The following PAX8 variants were observed in gnomAD, a reference collection of about 807,000 sequenced individuals.
The protein encoded by PAX8 is paired box 8.
In PAX8, 15 loss-of-function variants were observed where a neutral mutation model predicts 52.4. The observed-to-expected ratio is 0.29, with a 90% CI of 0.19 to 0.44. The LOEUF (loss-of-function observed/expected upper bound fraction) is 0.44. Ranked by LOEUF, PAX8 falls within the 20% of genes least tolerant of loss-of-function variation. The pLI is 1.00. For synonymous variants in PAX8, 284 were observed against 249.7 expected (o/e 1.14, Z -1.29); for missense variants, 554 against 602.5 (o/e 0.92, Z 0.84).
At chr2:113,256,654 G>GTGTATA (rs1417323193) in intron 2 of PAX8, among the ~76,000 whole-genome samples, 1 of 67,292 alleles carries the variant, frequency 1.5e-5, no homozygotes, top group African/African-American at 7.8e-5. Flanking sequence ...GTGTGTGTGT[G>GTGTATA]TATATATATA....
Position 113,241,592 on chromosome 2 carries a change from G to C in PAX8, c.736C>G (p.Pro246Ala), listed in dbSNP as rs1261825602. 6.2e-7 allele frequency: 1 copy of C among 1,612,470 alleles called. No individual in the cohort carries two copies. Among genetic ancestry groups the C allele is most frequent in the Non-Finnish European group, 8.5e-7 (1 of 1,179,760 alleles). The change falls in exon 7 of 12, where the codon CCA becomes GCA. Residue 246 changes from proline to alanine, a missense_variant. Pro to Ala is a conservative substitution (Grantham distance 27, BLOSUM62 -1). This residue lies in a region of PAX8 where 445 missense variants were observed against 409.9 expected (regional missense o/e 1.09). Coordinates refer to ENST00000429538, the MANE Select transcript of PAX8 (RefSeq NM_003466.4). ...LECPFERQHY[P>A]EAYASPSHTK... ...TGGCTGGGGGAGGCATAGGCCTCTG[G>C]GTAGTGCTGCCGCTCAAATGGGCAC...
chr2:113,218,269 A>G lies in PAX8; in HGVS notation c.*264T>C, dbSNP rs977422404. 5 of 380,786 alleles carry G rather than the reference A, an allele frequency of 1.3e-5. No individual in the cohort carries two copies. Among genetic ancestry groups the G allele is most frequent in the Non-Finnish European group, 2.3e-5 (5 of 214,252 alleles). The allele number at this position is 380,786 out of a possible 1,614,324, so 23.6% of individuals were successfully genotyped here. A position where few individuals can be genotyped will look rare whatever the true frequency, so the allele number is the denominator to read the frequency against. ...GGCTGGGGGCTACATTTCTTCTTCA[A>G]TTTTGTCTTTTTCAGCATGGCATGG... On this transcript the variant is annotated 3_prime_UTR_variant, in exon 12 of 12. Coordinates refer to ENST00000429538, the MANE Select transcript of PAX8 (RefSeq NM_003466.4).
chr2:113,252,925 T>G (rs1691898005), intron 2 of PAX8, among the ~76,000 whole-genome samples: 1 of 152,212 alleles, frequency 6.6e-6, no homozygotes, highest in African/African-American at 2.4e-5. Context: ...CATGATACTC[T>G]TCTTTCCTAT....
At position 113,241,676 on chromosome 2, in the gene PAX8, C is replaced by G. The variant is rs369558233; in HGVS notation, c.652G>C (p.Gly218Arg). ...TCCGTGCGAAGGTGCTTTCGGGGTC[C>G]GCTGCTGCTGCTCTGTGAGTCAATG... ...LSIDSQSSSS[G>R]PRKHLRTDAF... Residue 218 changes from glycine to arginine, a missense_variant, in exon 7 of 12, where the codon GGA becomes CGA. Coordinates refer to ENST00000429538, the MANE Select transcript of PAX8 (RefSeq NM_003466.4). 2.5e-6 allele frequency: 4 copies of G among 1,613,998 alleles called. No homozygotes were observed. In the East Asian group the frequency reaches 6.7e-5, roughly 27 times the overall value.
intron 8 of PAX8, 85 bp downstream of exon 8, chr2:113,236,516 A>C: frequency 3.5e-6 from 5 of 1,437,520 alleles, no homozygotes; most frequent in Non-Finnish European, 3.7e-6. Flanking sequence ...TCTCCAGGCC[A>C]GGGCCCCACA....
intron 10 of PAX8, among the ~76,000 whole-genome samples, chr2:113,224,562 A>G (rs901335100): frequency 1.7e-4 from 25 of 150,670 alleles, no homozygotes; most frequent in African/African-American, 5.9e-4. Context: ...AAAAAAAAAA[A>G]AAAGGAAAGA....
intron 2 of PAX8, chr2:113,274,718 G>A (rs1254295447): frequency 6.6e-6 from 1 of 152,162 alleles, no homozygotes; most frequent in Admixed American, 6.5e-5. Context: ...TACAGAACAA[G>A]GATGACTATT....
rs1001120883 is a variant in PAX8, at chr2:113,216,676, A to T, written c.*1857T>A. ...TGGCCACACTACACTCTACCTCTCCATTCAGTCAGGTCAAATCTTTAGCAA... is the reference window on the plus strand; with the variant it reads ...TGGCCACACTACACTCTACCTCTCCTTTCAGTCAGGTCAAATCTTTAGCAA... On this transcript the variant is annotated 3_prime_UTR_variant, in exon 12 of 12. Transcript: ENST00000429538. 8.8e-6 allele frequency: 2 copies of T among 226,326 alleles called. No homozygotes were observed. Among genetic ancestry groups the T allele is most frequent in the Non-Finnish European group, 1.8e-5 (2 of 113,792 alleles). 14.0% of individuals were successfully genotyped at this position (226,326 alleles called of 1,614,324 possible). A position where few individuals can be genotyped will look rare whatever the true frequency, so the allele number is the denominator to read the frequency against.
chr2:113,259,990 C>T (rs534528105), intron 2 of PAX8, among the ~76,000 whole-genome samples: 8 of 152,228 alleles, frequency 5.3e-5, no homozygotes, highest in Non-Finnish European at 8.8e-5. Flanking sequence ...TACTGCACTA[C>T]ACCCTCAACT....
chr2:113,251,043 A>G (rs1030518544), intron 2 of PAX8: 1 of 152,244 alleles, frequency 6.6e-6, no homozygotes, highest in Non-Finnish European at 1.5e-5. Flanking sequence ...ATTGAAAGAC[A>G]TTTAGTGTGG....
chr2:113,241,971 C>G (rs201771303), intron 6 of PAX8, 37 bp downstream of exon 6: 12 of 1,610,416 alleles, frequency 7.5e-6, no homozygotes, highest in Non-Finnish European at 9.3e-6. Flanking sequence ...AAACTGCTCT[C>G]GTGCACCGCC....
chr2:113,247,000 GGTGTGT>G, intron 2 of PAX8, 81 bp from the exon 3 acceptor site: 1 of 1,262,086 alleles, frequency 7.9e-7, no homozygotes, highest in Non-Finnish European at 1.1e-6. Context: ...TACAGGTGCT[GGTGTGT>G]GTGTGTGTGT....
chr2:113,250,980 A>T (rs1209361338), intron 2 of PAX8: 29 of 150,114 alleles, frequency 1.9e-4, no homozygotes, highest in Admixed American at 1.9e-3. Context: ...TAGGTGAAGA[A>T]TTTTCTTCAG....
intron 2 of PAX8, chr2:113,269,663 C>T (rs1391732613): frequency 6.6e-6 from 1 of 152,164 alleles, no homozygotes; most frequent in Non-Finnish European, 1.5e-5. Flanking sequence ...TTATTATTAC[C>T]CAAAGTAGAA....
chr2:113,244,995 G>A (rs1691191549), intron 3 of PAX8, among the ~76,000 whole-genome samples: 1 of 151,824 alleles, frequency 6.6e-6, no homozygotes, highest in South Asian at 2.1e-4. Context: ...GGGCACAGCA[G>A]TTTGCTCTAT....
At chr2:113,247,320 T>G (rs1316347688) in intron 2 of PAX8, among the ~76,000 whole-genome samples, 1 of 151,634 alleles carries the variant, frequency 6.6e-6, no homozygotes, top group Non-Finnish European at 1.5e-5. Context: ...CTTCTGAGAG[T>G]CTCTTTTCCT....
At chr2:113,277,040 A>C (rs1262077315) in intron 2 of PAX8, among the ~76,000 whole-genome samples, 1 of 152,168 alleles carries the variant, frequency 6.6e-6, no homozygotes, top group Non-Finnish European at 1.5e-5. Context: ...CAGGACGCGG[A>C]CCGTAAAGAG....
intron 2 of PAX8, chr2:113,273,377 C>T (rs1301912598): frequency 6.6e-6 from 1 of 152,176 alleles, no homozygotes; most frequent in Non-Finnish European, 1.5e-5. Flanking sequence ...TTTGGATGTT[C>T]CTAAGCATAG....
chr2:113,278,917 T>C lies in PAX8; in HGVS notation c.-162A>G. The C allele has an allele frequency of 9.6e-7, 1 of 1,041,790 alleles. No homozygotes were observed. Among genetic ancestry groups the C allele is most frequent in the Non-Finnish European group, 1.2e-6 (1 of 863,126 alleles). The allele number at this position is 1,041,790 out of a possible 1,614,324, so 64.5% of individuals were successfully genotyped here. Reference sequence around the variant, plus strand: ...GTGTCTCTCCTCCTTCTGAAGTTTGTTCCCATCCACCCGGCATCACCGACC... The same window carrying C: ...GTGTCTCTCCTCCTTCTGAAGTTTGCTCCCATCCACCCGGCATCACCGACC... On this transcript the variant is annotated 5_prime_UTR_variant, in exon 1 of 12. Transcript: ENST00000429538.
Sources: gnomAD v4.1 joint callset for allele counts (sites outside exome capture counted in the v4.1 genomes callset) on GRCh38, gnomAD v4.1.1 for gene constraint, gnomAD v4.1.1 regional missense constraint, MANE v1.5 for transcripts, NCBI Gene and HGNC (gene_info 2026-07-23, HGNC 2026-07-21) for gene names.